Variants in BTBD10 observed in about 807,000 individuals in gnomAD.
BTBD10 encodes the protein BTB domain containing 10, also known as BTB/POZ domain-containing protein 10.
A neutral mutation model predicts 53.2 loss-of-function variants in BTBD10; 21 were observed. The ratio of observed to expected loss-of-function variants is 0.39; its 90% CI spans 0.28 to 0.57. The LOEUF is 0.57. BTBD10 is among the 20% of genes least tolerant of loss of function. The probability of loss-of-function intolerance (pLI) is 0.53; values close to 1 mark genes in which losing one functional copy is unlikely to be tolerated. For missense variants in BTBD10, 360 were observed against 594.7 expected, an observed-to-expected ratio of 0.61 and a Z score of 4.10; for synonymous variants, 149 against 192.7, an observed-to-expected ratio of 0.77 and a Z score of 1.88.
intron 3 of BTBD10, among the ~76,000 whole-genome samples, chr11:13,421,060 A>C (rs1282521057): frequency 2.0e-5 from 3 of 152,034 alleles, no homozygotes; most frequent in Non-Finnish European, 4.4e-5. Context: ...AAAAATCAGC[A>C]AGCTCACATG....
At position 13,397,028 on chromosome 11, in the gene BTBD10, T is replaced by C. The variant is rs192981522; in HGVS notation, c.1117+6140A>G. ...TTTTCTGGTTGTGTCTCTGCCAGGC[T>C]TTGGTATCAGGATGATGCTGGCCTC... On this transcript the variant is annotated intron_variant, in intron 8 of 8. Transcript: ENST00000278174. Among the ~76,000 whole-genome samples, 953 of 152,324 alleles carry C rather than the reference T, an allele frequency of 6.3e-3. 14 individuals carry two copies. The highest frequency in any genetic ancestry group is 0.022 in the African/African-American group (896 of 41,574).
intron 8 of BTBD10, among the ~76,000 whole-genome samples, chr11:13,393,183 T>C (rs995145176): frequency 9.2e-5 from 14 of 152,186 alleles, no homozygotes; most frequent in African/African-American, 2.9e-4. Flanking sequence ...TAAAAGTAAG[T>C]AGAAGAGGCC....
chr11:13,420,979 A>G (rs1309931077), intron 3 of BTBD10, among the ~76,000 whole-genome samples: 1 of 152,154 alleles, frequency 6.6e-6, no homozygotes, highest in African/African-American at 2.4e-5. Context: ...CTTATTTACA[A>G]CAGATTATCA....
intron 2 of BTBD10, among the ~76,000 whole-genome samples, chr11:13,432,120 C>T (rs1405879351): frequency 6.6e-6 from 1 of 152,056 alleles, no homozygotes; most frequent in Non-Finnish European, 1.5e-5. Flanking sequence ...AGTTTATATG[C>T]TATATGATTC....
At chr11:13,453,415 A>C (rs1239724430) in intron 1 of BTBD10, among the ~76,000 whole-genome samples, 3 of 152,232 alleles carry the variant, frequency 2.0e-5, no homozygotes, top group Non-Finnish European at 4.4e-5. Flanking sequence ...AAATGCTGGA[A>C]TAAGGAGACT....
At chr11:13,456,941 A>G (rs1950981770) in intron 1 of BTBD10, among the ~76,000 whole-genome samples, 2 of 152,166 alleles carry the variant, frequency 1.3e-5, no homozygotes, top group East Asian at 3.9e-4. Flanking sequence ...TGGACAGATC[A>G]CTTGAGCCTA....
rs185355053 is a variant in BTBD10 at position 13,413,426 on chromosome 11, T to C, written c.808+104A>G. On this transcript the variant is annotated intron_variant, in intron 6 of 8. Transcript: ENST00000278174. ...GGTACTAGAATGCTTTATAATTGAA[T>C]TAAATACTTTAAGTCTAACTAGGTA... is the stretch of plus-strand genomic sequence containing the variant. 120 of 992,102 alleles carry C rather than the reference T, an allele frequency of 1.2e-4. 2 individuals carry two copies. In the African/African-American group the frequency reaches 1.8e-3, roughly 15 times the overall value. 61.5% of individuals were successfully genotyped at this position (992,102 alleles called of 1,614,324 possible). A position where few individuals can be genotyped will look rare whatever the true frequency, so the allele number is the denominator to read the frequency against.
At chr11:13,419,334 G>C (rs1211094417) in intron 4 of BTBD10, 126 bp downstream of exon 4, 14 of 1,263,656 alleles carry the variant, frequency 1.1e-5, no homozygotes, top group African/African-American at 4.6e-5. Flanking sequence ...CCAAAGCTCA[G>C]TTCTTTCATC....
chr11:13,445,348 G>T (rs1565268112), intron 1 of BTBD10, among the ~76,000 whole-genome samples, 167 bp from the exon 2 acceptor site: 1 of 152,052 alleles, frequency 6.6e-6, no homozygotes, highest in East Asian at 1.9e-4. Flanking sequence ...AACACCAGGG[G>T]TCTTCTTAAG....
At chr11:13,390,853 T>G (rs768668612) in intron 8 of BTBD10, among the ~76,000 whole-genome samples, 65 of 152,142 alleles carry the variant, frequency 4.3e-4, no homozygotes, top group Non-Finnish European at 8.2e-4. Flanking sequence ...GTGGTGGGGG[T>G]GAGATAGGTG....
At chr11:13,420,507 C>A (rs919652498) in intron 3 of BTBD10, among the ~76,000 whole-genome samples, 1 of 151,766 alleles carries the variant, frequency 6.6e-6, no homozygotes, top group Non-Finnish European at 1.5e-5. Flanking sequence ...TTCTAATAGT[C>A]TACAAAAGAA....
chr11:13,453,292 A>C (rs957539336), intron 1 of BTBD10, among the ~76,000 whole-genome samples: 1 of 152,146 alleles, frequency 6.6e-6, no homozygotes, highest in Admixed American at 6.5e-5. Context: ...AAACAGAAAA[A>C]AGAAAATTTA....
At chr11:13,442,711 G>A (rs531214005) in intron 2 of BTBD10, among the ~76,000 whole-genome samples, 4 of 151,994 alleles carry the variant, frequency 2.6e-5, no homozygotes, top group African/African-American at 4.8e-5. Flanking sequence ...AGTTCCATGC[G>A]TGGATACTAA....
intron 8 of BTBD10, among the ~76,000 whole-genome samples, chr11:13,390,089 A>G (rs1016067621): frequency 5.5e-5 from 8 of 145,470 alleles, no homozygotes; most frequent in Non-Finnish European, 1.1e-4. Flanking sequence ...CCTAGATTTG[A>G]AAAAAAAAAT....
At chr11:13,435,272 T>C (rs1222965073) in intron 2 of BTBD10, among the ~76,000 whole-genome samples, 2 of 152,210 alleles carry the variant, frequency 1.3e-5, no homozygotes, top group African/African-American at 4.8e-5. Context: ...AGTCATTCAT[T>C]CAACAAATAT....
At chr11:13,426,982 C>A (rs905558773) in intron 2 of BTBD10, among the ~76,000 whole-genome samples, 9 of 152,098 alleles carry the variant, frequency 5.9e-5, no homozygotes, top group Non-Finnish European at 4.4e-5. Flanking sequence ...GCTAGATCCC[C>A]AGCCTGGCAG....
At chr11:13,432,955 T>C (rs1320910305) in intron 2 of BTBD10, among the ~76,000 whole-genome samples, 1 of 152,134 alleles carries the variant, frequency 6.6e-6, no homozygotes, top group African/African-American at 2.4e-5. Flanking sequence ...AAGTAGCTGA[T>C]ATAAGTAGCA....
intron 2 of BTBD10, among the ~76,000 whole-genome samples, chr11:13,437,495 C>T (rs1950565635): frequency 1.3e-5 from 2 of 152,146 alleles, no homozygotes; most frequent in South Asian, 4.1e-4. Context: ...CTTTCAAGAT[C>T]AATGAATCTC....
At chr11:13,398,152 T>C (rs2135749272) in intron 8 of BTBD10, among the ~76,000 whole-genome samples, 1 of 152,290 alleles carries the variant, frequency 6.6e-6, no homozygotes, top group Non-Finnish European at 1.5e-5. Flanking sequence ...TGTTAAAGTC[T>C]CCCATTATTA....
Sources: allele counts gnomAD v4.1 joint callset (sites outside exome capture counted in the v4.1 genomes callset), GRCh38; gene constraint gnomAD v4.1.1; transcripts MANE v1.5; gene names NCBI Gene and HGNC (gene_info 2026-07-23, HGNC 2026-07-21).